Variants in PRSS21 observed in about 807,000 individuals in gnomAD.
PRSS21 encodes the protein serine protease 21, also known as testisin.
Under a neutral mutation model 31.1 loss-of-function variants are expected in PRSS21, and 40 were observed. The ratio of observed to expected loss-of-function variants is 1.29; its 90% CI spans 1.00 to 1.68. PRSS21 has a LOEUF of 1.68. PRSS21 is among the 40% of genes most tolerant of loss of function. The pLI, the probability that PRSS21 is intolerant of heterozygous loss-of-function variation, is 0.00. For synonymous variants in PRSS21, 186 were observed against 167.7 expected (o/e 1.11, Z -0.84); for missense variants, 467 against 412.6 (o/e 1.13, Z -1.14).
In PRSS21 at chr16:2,820,945, G is replaced by A. The variant is rs764495062; in HGVS notation, c.551-10G>A. 4.7e-5 allele frequency: 76 copies of A among 1,612,156 alleles called. No homozygotes were observed. The highest frequency in any genetic ancestry group is 8.0e-5 in the African/African-American group (6 of 74,852). Reference sequence around the variant, plus strand: ...TGCTGTCTCTCTCCTTCCCACTATCGTCCGCACAGCACTGCCATCTCCCCA... The same window carrying A: ...TGCTGTCTCTCTCCTTCCCACTATCATCCGCACAGCACTGCCATCTCCCCA... On this transcript the variant is annotated splice_polypyrimidine_tract_variant and intron_variant, in intron 4 of 5. Transcript: ENST00000005995.
rs779179534 is a variant in PRSS21, at chr16:2,818,794, T to C, written c.375T>C (p.Tyr125=). ...CCCGTTACTTCGTATCGAATATCTA[T>C]CTGAGCCCTCGCTACCTGGGGAATT... ...YYTRYFVSNI[Y]LSPRYLGNSP... Residue 125 remains tyrosine (Y), a synonymous_variant, in exon 4 of 6, where the codon TAT becomes TAC. Coordinates refer to ENST00000005995, the MANE Select transcript of PRSS21 (RefSeq NM_006799.4). 1 of 1,613,656 alleles carries C rather than the reference T, an allele frequency of 6.2e-7. No homozygotes were observed. The highest frequency in any genetic ancestry group is 1.1e-5 in the South Asian group (1 of 91,070).
chr16:2,817,564 C>G lies in PRSS21; in HGVS notation c.91+108C>G, dbSNP rs2069097468. 4 of 1,428,288 alleles carry G rather than the reference C, an allele frequency of 2.8e-6. No homozygotes were observed. The highest frequency in any genetic ancestry group is 1.4e-5 in the African/African-American group (1 of 70,212). 88.5% of individuals were successfully genotyped at this position (1,428,288 alleles called of 1,614,324 possible). A position where few individuals can be genotyped will look rare whatever the true frequency, so the allele number is the denominator to read the frequency against. On this transcript the variant is annotated intron_variant, in intron 2 of 5. Coordinates refer to ENST00000005995, the MANE Select transcript of PRSS21 (RefSeq NM_006799.4). This position sits in a 1 kb window ranked among gnomAD's most constrained non-coding sequence, Gnocchi z 4.2. ...TTTACTGCTCTCTCGCCCCCGCCCCCGGGATCGAGAACTCTGTTGGCGTGG... is the reference window on the plus strand; with the variant it reads ...TTTACTGCTCTCTCGCCCCCGCCCCGGGGATCGAGAACTCTGTTGGCGTGG...
Position 2,818,780 on chromosome 16 carries a change from GTATCGAATATC to G in PRSS21, c.366_376del (p.Asn123GlufsTer11). 1 of 1,613,520 alleles carries G rather than the reference GTATCGAATATC, an allele frequency of 6.2e-7. No individual in the cohort carries two copies. The highest frequency in any genetic ancestry group is 8.5e-7 in the Non-Finnish European group (1 of 1,179,422). On this transcript the variant is annotated frameshift_variant, in exon 4 of 6. Coordinates refer to ENST00000005995, the MANE Select transcript of PRSS21 (RefSeq NM_006799.4). LOFTEE classifies it high-confidence loss of function. ...GCAGGCCTACTACACCCGTTACTTC[GTATCGAATATC>G]TATCTGAGCCCTCGCTACCTGGGGA...
In PRSS21 at chr16:2,817,984, C is replaced by A; in HGVS notation, c.257+18C>A. ...TTTGAAACGTGAGTGGGGGTGCGAA[C>A]GGAGGGGTGCGGGGACGGGCAGGAA... On this transcript the variant is annotated intron_variant, in intron 3 of 5. Coordinates refer to ENST00000005995, the MANE Select transcript of PRSS21 (RefSeq NM_006799.4). The surrounding 1 kb of genome is among the most constrained non-coding windows in gnomAD (Gnocchi z 4.2). 1 of 1,541,904 alleles carries A rather than the reference C, an allele frequency of 6.5e-7. No individual in the cohort carries two copies. The highest frequency in any genetic ancestry group is 8.7e-7 in the Non-Finnish European group (1 of 1,143,430).
In PRSS21 at chr16:2,821,526, G is replaced by T; in HGVS notation, c.866G>T (p.Gly289Val). ...ATCCAGAAGCTGATGGCCCAGAGTG[G>T]CATGTCCCAGCCAGACCCCTCCTGG... Reference protein sequence around the residue: ...EWIQKLMAQSGMSQPDPSWPL... With the variant: ...EWIQKLMAQSVMSQPDPSWPL... Residue 289 changes from glycine to valine, a missense_variant, in exon 6 of 6, where the codon GGC becomes GTC. By Grantham distance (109) the Gly-to-Val change is moderately radical. Coordinates refer to ENST00000005995, the MANE Select transcript of PRSS21 (RefSeq NM_006799.4). 6.2e-7 allele frequency: 1 copy of T among 1,614,218 alleles called. No homozygotes were observed. The highest frequency in any genetic ancestry group is 8.5e-7 in the Non-Finnish European group (1 of 1,180,040).
rs186228582 is a variant in PRSS21 at position 2,821,465 on chromosome 16, G to A, written c.805G>A (p.Gly269Ser). 2.3e-5 allele frequency: 37 copies of A among 1,614,200 alleles called. No homozygotes were observed. Among genetic ancestry groups the A allele is most frequent in the Admixed American group, 1.5e-4 (9 of 60,028 alleles). ...GVGCGRPNRP[G>S]VYTNISHHFE... is the part of the protein sequence containing the mutation. Reference sequence around the variant, plus strand: ...GGGCTGTGGTCGGCCCAATCGGCCCGGTGTCTACACCAATATCAGCCACCA... The same window carrying A: ...GGGCTGTGGTCGGCCCAATCGGCCCAGTGTCTACACCAATATCAGCCACCA... The change falls in exon 6 of 6, where the codon GGT becomes AGT. Residue 269 changes from glycine to serine, a missense_variant. By Grantham distance (56) the Gly-to-Ser change is moderately conservative. Transcript: ENST00000005995.
At chr16:2,819,002 C>T in intron 4 of PRSS21, 33 bp downstream of exon 4, 1 of 1,607,026 alleles carries the variant, frequency 6.2e-7, no homozygotes. Context: ...CAGGGAGGAA[C>T]TGTCTTTGTT....
chr16:2,817,514 G>A lies in PRSS21; in HGVS notation c.91+58G>A. On this transcript the variant is annotated intron_variant, in intron 2 of 5. Transcript: ENST00000005995. This position sits in a 1 kb window ranked among gnomAD's most constrained non-coding sequence, Gnocchi z 4.2. The stretch of plus-strand genomic sequence containing the variant: ...GGCCGTTGGGCCGAGGTGGACGGGG[G>A]GCGGTGAGGGGGTAGAGGGGGGCCT... 4 of 1,369,782 alleles carry A rather than the reference G, an allele frequency of 2.9e-6. No individual in the cohort carries two copies. The highest frequency in any genetic ancestry group is 2.6e-5 in the South Asian group (2 of 76,346). The allele number at this position is 1,369,782 out of a possible 1,614,324, so 84.9% of individuals were successfully genotyped here.
rs372621525 is a variant in PRSS21, at chr16:2,821,401, T to C, written c.741T>C (p.Asn247=). ...DSGGPLACNK[N]GLWYQIGVVS... Reference sequence around the variant, plus strand: ...GTGGACCCTTGGCCTGTAACAAGAATGGACTGTGGTATCAGATTGGAGTCG... The same window carrying C: ...GTGGACCCTTGGCCTGTAACAAGAACGGACTGTGGTATCAGATTGGAGTCG... Residue 247 remains asparagine (N), a synonymous_variant, in exon 6 of 6, where the codon AAT becomes AAC. Transcript: ENST00000005995. The C allele has an allele frequency of 3.7e-6, 6 of 1,614,100 alleles. No individual in the cohort carries two copies. In the African/African-American group the frequency reaches 6.7e-5, roughly 18 times the overall value.
chr16:2,818,454 T>A (rs1025947380), intron 3 of PRSS21, among the ~76,000 whole-genome samples: 1 of 152,164 alleles, frequency 6.6e-6, no homozygotes, highest in Non-Finnish European at 1.5e-5. Flanking sequence ...CAAGGCTCCT[T>A]GGGACAGCTC....
At chr16:2,820,854 A>C (rs2069159393) in intron 4 of PRSS21, 101 bp from the exon 5 acceptor site, 1 of 1,253,082 alleles carries the variant, frequency 8.0e-7, no homozygotes, top group Admixed American at 1.9e-5. Context: ...CCTGCCAGGC[A>C]CAGTGGGTGC....
chr16:2,821,517 C>G lies in PRSS21; in HGVS notation c.857C>G (p.Ala286Gly). ...TTTGAGTGGATCCAGAAGCTGATGGCCCAGAGTGGCATGTCCCAGCCAGAC... is the reference window on the plus strand; with the variant it reads ...TTTGAGTGGATCCAGAAGCTGATGGGCCAGAGTGGCATGTCCCAGCCAGAC... ...HHFEWIQKLM[A>G]QSGMSQPDPS... The change falls in exon 6 of 6, where the codon GCC becomes GGC. Residue 286 changes from alanine to glycine, a missense_variant. Ala to Gly is a moderately conservative substitution (Grantham distance 60). Transcript: ENST00000005995. 1 of 1,614,212 alleles carries G rather than the reference C, an allele frequency of 6.2e-7. No homozygotes were observed. The highest frequency in any genetic ancestry group is 1.3e-5 in the African/African-American group (1 of 75,056).
rs1222034367 is a variant in PRSS21 at position 2,821,423 on chromosome 16, G to A, written c.763G>A (p.Val255Ile). 3.6e-5 allele frequency: 58 copies of A among 1,614,130 alleles called. No individual in the cohort carries two copies. The highest frequency in any genetic ancestry group is 4.6e-5 in the Non-Finnish European group (54 of 1,180,042). The change falls in exon 6 of 6, where the codon GTC (valine) becomes ATC (isoleucine). Residue 255 changes from valine (V) to isoleucine (I), a missense_variant. Physicochemically the swap from Val to Ile is conservative, Grantham distance 29. Transcript: ENST00000005995. Reference protein sequence around the residue: ...NKNGLWYQIGVVSWGVGCGRP... With the variant: ...NKNGLWYQIGIVSWGVGCGRP... ...GAATGGACTGTGGTATCAGATTGGA[G>A]TCGTGAGCTGGGGAGTGGGCTGTGG...
chr16:2,818,742 C>A lies in PRSS21; in HGVS notation c.323C>A (p.Ser108Tyr). ...TTTGGCCAGCTGACTTCCATGCCAT[C>A]CTTCTGGAGCCTGCAGGCCTACTAC... ...VQFGQLTSMPSFWSLQAYYTR... is the reference protein window; with the variant it reads ...VQFGQLTSMPYFWSLQAYYTR... The change falls in exon 4 of 6, where the codon TCC becomes TAC. Residue 108 changes from serine to tyrosine, a missense_variant. Physicochemically the swap from Ser to Tyr is moderately radical, Grantham distance 144. Coordinates refer to ENST00000005995, the MANE Select transcript of PRSS21 (RefSeq NM_006799.4). The A allele has an allele frequency of 3.1e-6, 5 of 1,614,002 alleles. No homozygotes were observed. Among genetic ancestry groups the A allele is most frequent in the Non-Finnish European group, 4.2e-6 (5 of 1,179,866 alleles).
Position 2,818,816 on chromosome 16 carries a change from A to T in PRSS21, c.397A>T (p.Asn133Tyr). 3 of 1,613,752 alleles carry T rather than the reference A, an allele frequency of 1.9e-6. No homozygotes were observed. The highest frequency in any genetic ancestry group is 2.5e-6 in the Non-Finnish European group (3 of 1,179,628). The change falls in exon 4 of 6, where the codon AAT (asparagine) becomes TAT (tyrosine). Residue 133 changes from asparagine (N) to tyrosine (Y), a missense_variant. By Grantham distance (143) the Asn-to-Tyr change is moderately radical. Coordinates refer to ENST00000005995, the MANE Select transcript of PRSS21 (RefSeq NM_006799.4). The part of the protein sequence containing the change: ...NIYLSPRYLG[N>Y]SPYDIALVKL... ...CTATCTGAGCCCTCGCTACCTGGGGAATTCACCCTATGACATTGCCTTGGT... is the reference window on the plus strand; with the variant it reads ...CTATCTGAGCCCTCGCTACCTGGGGTATTCACCCTATGACATTGCCTTGGT...
chr16:2,817,777 C>T lies in PRSS21; in HGVS notation c.92-24C>T. ...GCTTGGGGGGCTGCCTCCCGCGGCT[C>T]AGCAGTTCCTCTGACCATCCGAGGA... On this transcript the variant is annotated intron_variant, in intron 2 of 5. Transcript: ENST00000005995. This position sits in a 1 kb window ranked among gnomAD's most constrained non-coding sequence, Gnocchi z 4.2. 6.5e-7 allele frequency: 1 copy of T among 1,543,944 alleles called. No homozygotes were observed. Among genetic ancestry groups the T allele is most frequent in the Non-Finnish European group, 8.7e-7 (1 of 1,143,262 alleles).
chr16:2,821,185 C>G lies in PRSS21; in HGVS notation c.705+76C>G, dbSNP rs978808640. The stretch of plus-strand genomic sequence containing the variant: ...GTGCCTTATTTGACCCTCATGCCAA[C>G]CCCGGGAGGTGGAGACTGTTGCCCC... On this transcript the variant is annotated intron_variant, in intron 5 of 5. Coordinates refer to ENST00000005995, the MANE Select transcript of PRSS21 (RefSeq NM_006799.4). 18 of 1,581,268 alleles carry G rather than the reference C, an allele frequency of 1.1e-5. No homozygotes were observed. In the African/African-American group the frequency reaches 1.6e-4, roughly 14 times the overall value.
In PRSS21 at chr16:2,817,792, CCAT is replaced by C. The variant is rs1356660751; in HGVS notation, c.92-7_92-5del. 2 of 1,547,806 alleles carry C rather than the reference CCAT, an allele frequency of 1.3e-6. No homozygotes were observed. The highest frequency in any genetic ancestry group is 1.7e-6 in the Non-Finnish European group (2 of 1,145,622). Reference sequence around the variant, plus strand: ...TCCCGCGGCTCAGCAGTTCCTCTGACCATCCGAGGACCATGCGGCCGACGGGTC... The same window carrying C: ...TCCCGCGGCTCAGCAGTTCCTCTGACCCGAGGACCATGCGGCCGACGGGTC... On this transcript the variant is annotated splice_polypyrimidine_tract_variant and splice_region_variant and intron_variant, in intron 2 of 5. Coordinates refer to ENST00000005995, the MANE Select transcript of PRSS21 (RefSeq NM_006799.4). This position sits in a 1 kb window ranked among gnomAD's most constrained non-coding sequence, Gnocchi z 4.2.
At chr16:2,821,186 C>T (rs893407384) in intron 5 of PRSS21, 77 bp downstream of exon 5, 1 of 1,580,294 alleles carries the variant, frequency 6.3e-7, no homozygotes, top group Non-Finnish European at 8.6e-7. Flanking sequence ...TCATGCCAAC[C>T]CCGGGAGGTG....
Sources: allele counts gnomAD v4.1 joint callset (sites outside exome capture counted in the v4.1 genomes callset), GRCh38; gene constraint gnomAD v4.1.1; non-coding constraint Gnocchi (gnomAD v3.1); transcripts MANE v1.5; gene names NCBI Gene and HGNC (gene_info 2026-07-23, HGNC 2026-07-21).